LRRTM4: variants seen among roughly 807,000 people sequenced by gnomAD.
The protein encoded by LRRTM4 is leucine rich repeat transmembrane neuronal 4.
LRRTM4 carries 25 observed loss-of-function variants against 47.6 expected under a neutral mutation model. The observed-to-expected ratio is 0.53, with a 90% CI of 0.38 to 0.73. LRRTM4 has a LOEUF of 0.73. Among genes scored for constraint, LRRTM4 ranks in the 30% least tolerant of loss-of-function variants. The pLI, the probability that LRRTM4 is intolerant of heterozygous loss-of-function variation, is 0.00. For missense variants in LRRTM4, 638 were observed against 713.4 expected, an observed-to-expected ratio of 0.89 and a Z score of 1.20; for synonymous variants, 311 against 269.5, an observed-to-expected ratio of 1.15 and a Z score of -1.51.
chr2:77,281,568 T>C (rs1676506623), intron 3 of LRRTM4, among the ~76,000 whole-genome samples: 1 of 151,856 alleles, frequency 6.6e-6, no homozygotes, highest in African/African-American at 2.4e-5. Flanking sequence ...ACTTCACTAT[T>C]ACGGTAAAAG....
chr2:76,783,149 C>T (rs886470496), intron 3 of LRRTM4, among the ~76,000 whole-genome samples: 3 of 151,992 alleles, frequency 2.0e-5, no homozygotes, highest in African/African-American at 4.8e-5. Flanking sequence ...ATTCATATTC[C>T]ACCAACATTG....
chr2:76,825,075 G>C (rs1249761917), intron 3 of LRRTM4, among the ~76,000 whole-genome samples: 1 of 151,580 alleles, frequency 6.6e-6, no homozygotes, highest in Non-Finnish European at 1.5e-5. Context: ...TAAAGACCTA[G>C]AGCTCAGTCT....
At chr2:76,871,467 A>G (rs1046571214) in intron 3 of LRRTM4, among the ~76,000 whole-genome samples, 3 of 152,192 alleles carry the variant, frequency 2.0e-5, no homozygotes, top group African/African-American at 7.2e-5. Context: ...AGTCAAGACC[A>G]TCACTGGGAA....
intron 3 of LRRTM4, among the ~76,000 whole-genome samples, chr2:77,386,103 A>T (rs1351186165): frequency 6.6e-6 from 1 of 151,800 alleles, no homozygotes; most frequent in African/African-American, 2.4e-5. Context: ...TTATTTCTTT[A>T]AAAAATATTA....
chr2:77,008,454 A>C (rs1344322414), intron 3 of LRRTM4, among the ~76,000 whole-genome samples: 1 of 152,196 alleles, frequency 6.6e-6, no homozygotes, highest in Non-Finnish European at 1.5e-5. Context: ...AAAAGCCAGC[A>C]TAACTGTAGA....
At chr2:77,208,354 T>C (rs1674199672) in intron 3 of LRRTM4, among the ~76,000 whole-genome samples, 1 of 152,078 alleles carries the variant, frequency 6.6e-6, no homozygotes, top group Non-Finnish European at 1.5e-5. Context: ...CTTTATAAAA[T>C]GAAGTTTCAA....
At chr2:76,784,094 A>G (rs890955959) in intron 3 of LRRTM4, among the ~76,000 whole-genome samples, 14 of 152,130 alleles carry the variant, frequency 9.2e-5, no homozygotes, top group South Asian at 2.1e-4. Flanking sequence ...AGCTAAAACA[A>G]TCCCCAAATT....
intron 3 of LRRTM4, among the ~76,000 whole-genome samples, chr2:77,259,571 T>C (rs1017586541): frequency 3.9e-5 from 6 of 151,986 alleles, no homozygotes; most frequent in African/African-American, 1.2e-4. Flanking sequence ...TAAATAGTTA[T>C]GGTAAAATAA....
intron 3 of LRRTM4, among the ~76,000 whole-genome samples, chr2:76,929,069 A>C (rs1053778579): frequency 6.6e-6 from 1 of 152,088 alleles, no homozygotes; most frequent in Non-Finnish European, 1.5e-5. Flanking sequence ...TTATCTTACT[A>C]CAACATTACT....
intron 3 of LRRTM4, among the ~76,000 whole-genome samples, chr2:76,899,759 A>C (rs1673558135): frequency 6.6e-6 from 1 of 152,208 alleles, no homozygotes; most frequent in Admixed American, 6.5e-5. Context: ...ATTAAAAGGC[A>C]AAAACAGGTG....
chr2:77,362,183 A>G (rs1672268350), intron 3 of LRRTM4, among the ~76,000 whole-genome samples: 1 of 151,808 alleles, frequency 6.6e-6, no homozygotes, highest in African/African-American at 2.4e-5. Context: ...GGAAGGAAGG[A>G]AGAGTTCTTA....
At chr2:77,137,327 C>T (rs1042592505) in intron 3 of LRRTM4, among the ~76,000 whole-genome samples, 1 of 151,878 alleles carries the variant, frequency 6.6e-6, no homozygotes, top group Non-Finnish European at 1.5e-5. Context: ...ATTCAGCATT[C>T]TTAAAGAAAA....
intron 3 of LRRTM4, among the ~76,000 whole-genome samples, chr2:77,201,626 G>T (rs560205292): frequency 6.6e-6 from 1 of 152,150 alleles, no homozygotes; most frequent in South Asian, 2.1e-4. Flanking sequence ...AAAAGAAAAG[G>T]TTAGTGTTCT....
At chr2:77,231,780 A>T (rs1306257290) in intron 3 of LRRTM4, among the ~76,000 whole-genome samples, 1 of 152,118 alleles carries the variant, frequency 6.6e-6, no homozygotes, top group Admixed American at 6.5e-5. Context: ...ACACTCAAAT[A>T]AGTCATATAT....
chr2:76,807,153 A>G (rs76772802), intron 3 of LRRTM4, among the ~76,000 whole-genome samples: 2 of 151,782 alleles, frequency 1.3e-5, no homozygotes, highest in Admixed American at 6.6e-5. Context: ...TCATTTCACA[A>G]TTCTACTTCA....
intron 3 of LRRTM4, among the ~76,000 whole-genome samples, chr2:76,805,761 G>C (rs977776751): frequency 6.6e-6 from 1 of 152,110 alleles, no homozygotes. Flanking sequence ...CCACTTCTAA[G>C]TGCCTTGAAG....
In LRRTM4 at chr2:77,168,650, A is replaced by G. The variant is rs147154783; in HGVS notation, c.1551+349668T>C. Among the ~76,000 whole-genome samples the G allele has an allele frequency of 2.5e-3, 376 of 152,250 alleles. 4 individuals are homozygous for G. Among genetic ancestry groups the G allele is most frequent in the African/African-American group, 8.6e-3 (356 of 41,566 alleles). On this transcript the variant is annotated intron_variant, in intron 3 of 3. Coordinates refer to ENST00000409884, the MANE Select transcript of LRRTM4 (RefSeq NM_001134745.3). ...ACTTTTCTATCAAACATAAGAACTTATTACTTCCAACTGTATGTTTGTACT... is the reference window on the plus strand; with the variant it reads ...ACTTTTCTATCAAACATAAGAACTTGTTACTTCCAACTGTATGTTTGTACT...
At chr2:77,300,296 T>C (rs1013091530) in intron 3 of LRRTM4, among the ~76,000 whole-genome samples, 10 of 152,222 alleles carry the variant, frequency 6.6e-5, no homozygotes, top group African/African-American at 2.2e-4. Context: ...CTATCATAGC[T>C]ATAACATTTG....
At chr2:77,052,227 G>C (rs577742309) in intron 3 of LRRTM4, among the ~76,000 whole-genome samples, 27 of 143,890 alleles carry the variant, frequency 1.9e-4, no homozygotes, top group Admixed American at 3.5e-4. Flanking sequence ...ACAGTGCAGT[G>C]GCATGATCTC....
Sources: gnomAD v4.1 joint callset for allele counts (sites outside exome capture counted in the v4.1 genomes callset) on GRCh38, gnomAD v4.1.1 for gene constraint, MANE v1.5 for transcripts, NCBI Gene and HGNC (gene_info 2026-07-23, HGNC 2026-07-21) for gene names.